CADPS2: variants seen among roughly 807,000 people sequenced by gnomAD.
CADPS2 encodes calcium-dependent secretion activator 2.
A neutral mutation model predicts 172.5 loss-of-function variants in CADPS2; 93 were observed. That is an observed-to-expected ratio of 0.54 (90% CI 0.46 to 0.64). CADPS2 has a LOEUF of 0.64. Among genes scored for constraint, CADPS2 ranks in the 30% least tolerant of loss-of-function variants. The pLI is 0.00. For synonymous variants in CADPS2, 546 were observed against 555.2 expected (o/e 0.98, Z 0.23); for missense variants, 1,420 against 1,565.9 (o/e 0.91, Z 1.57).
At chr7:122,337,673 A>C (rs1271499663) in intron 28 of CADPS2, among the ~76,000 whole-genome samples, 1 of 152,116 alleles carries the variant, frequency 6.6e-6, no homozygotes, top group Non-Finnish European at 1.5e-5. Flanking sequence ...ATAATAACTT[A>C]ACATTACAAT....
chr7:122,340,560 A>T (rs1563102083), intron 28 of CADPS2, among the ~76,000 whole-genome samples: 1 of 152,194 alleles, frequency 6.6e-6, no homozygotes, highest in Non-Finnish European at 1.5e-5. Context: ...ATTACTACAG[A>T]TGTCAGTTTT....
intron 1 of CADPS2, among the ~76,000 whole-genome samples, chr7:122,744,993 C>A (rs1041132014): frequency 1.3e-5 from 2 of 149,542 alleles, no homozygotes; most frequent in Non-Finnish European, 3.0e-5. Context: ...CTTTATTGAA[C>A]TATAACTGAC....
intron 1 of CADPS2, among the ~76,000 whole-genome samples, chr7:122,792,289 A>T (rs988136608): frequency 1.3e-5 from 2 of 152,164 alleles, no homozygotes; most frequent in Non-Finnish European, 1.5e-5. Flanking sequence ...GTGGGCTCTT[A>T]AGAGGTGATT....
chr7:122,656,218 C>T (rs2079765359), intron 3 of CADPS2, among the ~76,000 whole-genome samples: 1 of 152,060 alleles, frequency 6.6e-6, no homozygotes, highest in Admixed American at 6.6e-5. Flanking sequence ...TCAGTTACCC[C>T]ACAAAGTTCT....
intron 5 of CADPS2, among the ~76,000 whole-genome samples, chr7:122,619,547 A>G (rs2075344343): frequency 6.6e-6 from 1 of 152,110 alleles, no homozygotes; most frequent in Admixed American, 6.5e-5. Context: ...GAATCACTTG[A>G]ACCCAGGAAG....
At chr7:122,855,077 A>G (rs1207338207) in intron 1 of CADPS2, among the ~76,000 whole-genome samples, 1 of 152,238 alleles carries the variant, frequency 6.6e-6, no homozygotes, top group Non-Finnish European at 1.5e-5. Context: ...AGCTTTTTAA[A>G]GTGTGACTTT....
At chr7:122,416,270 AAATACAAATG>A in intron 17 of CADPS2, 106 bp from the exon 18 acceptor site, 1 of 533,366 alleles carries the variant, frequency 1.9e-6, no homozygotes, top group Non-Finnish European at 3.2e-6. Context: ...GAGAAATAAG[AAATACAAATG>A]AATACATTAT....
intron 2 of CADPS2, among the ~76,000 whole-genome samples, chr7:122,694,264 T>A (rs1036389050): frequency 1.3e-5 from 2 of 152,124 alleles, no homozygotes; most frequent in Non-Finnish European, 2.9e-5. Flanking sequence ...CTGCTTGGAA[T>A]GAGAACCAAG....
At chr7:122,689,805 G>A (rs1457414099) in intron 2 of CADPS2, among the ~76,000 whole-genome samples, 2 of 152,180 alleles carry the variant, frequency 1.3e-5, no homozygotes, top group Non-Finnish European at 2.9e-5. Context: ...ATCCCACAGT[G>A]ACTTTACCCC....
intron 7 of CADPS2, among the ~76,000 whole-genome samples, chr7:122,579,396 A>G (rs2068492459): frequency 6.7e-6 from 1 of 150,280 alleles, no homozygotes; most frequent in Non-Finnish European, 1.5e-5. Flanking sequence ...TTGTCTTTCT[A>G]GTATGAAGAG....
At chr7:122,695,276 A>T (rs1207985921) in intron 2 of CADPS2, among the ~76,000 whole-genome samples, 2 of 152,222 alleles carry the variant, frequency 1.3e-5, no homozygotes, top group Non-Finnish European at 2.9e-5. Flanking sequence ...AGGAGTGAAT[A>T]AAAAAGCAAG....
chr7:122,395,321 T>C (rs2044932412), intron 20 of CADPS2: 1 of 152,186 alleles, frequency 6.6e-6, no homozygotes, highest in African/African-American at 2.4e-5. Flanking sequence ...CTCTAATTGA[T>C]ATGGGTTAGT....
chr7:122,406,172 C>A (rs947835237), intron 20 of CADPS2, among the ~76,000 whole-genome samples: 1 of 152,104 alleles, frequency 6.6e-6, no homozygotes, highest in African/African-American at 2.4e-5. Context: ...ATTTCCCCCC[C>A]ACCAGTTTTA....
chr7:122,451,809 C>A (rs564169649), intron 14 of CADPS2, among the ~76,000 whole-genome samples: 20 of 152,068 alleles, frequency 1.3e-4, no homozygotes, highest in African/African-American at 4.8e-4. Flanking sequence ...AAGTGAAATC[C>A]CCTGAATGAA....
At chr7:122,548,918 T>A (rs983796635) in intron 8 of CADPS2, among the ~76,000 whole-genome samples, 1 of 152,258 alleles carries the variant, frequency 6.6e-6, no homozygotes, top group Non-Finnish European at 1.5e-5. Flanking sequence ...AACTACCATA[T>A]CTACATCCAT....
intron 2 of CADPS2, among the ~76,000 whole-genome samples, chr7:122,700,140 G>A (rs149928421): frequency 0.016 from 2,371 of 152,222 alleles, 54 homozygotes; most frequent in South Asian, 0.096. Flanking sequence ...CTTTCTTGGC[G>A]GTGAATCTCA....
intron 6 of CADPS2, among the ~76,000 whole-genome samples, chr7:122,582,484 A>G (rs1245533910): frequency 3.3e-5 from 5 of 152,072 alleles, no homozygotes; most frequent in African/African-American, 1.2e-4. Context: ...TAGGGAAGAA[A>G]ACAGCTTAAT....
chr7:122,870,311 A>G lies in CADPS2; in HGVS notation c.339+15688T>C, dbSNP rs181083746. Reference sequence around the variant, plus strand: ...ACTAAGAGTGCAGGGGTAGCTATACATATCAGGCAAAATAGACTTTAAATC... The same window carrying G: ...ACTAAGAGTGCAGGGGTAGCTATACGTATCAGGCAAAATAGACTTTAAATC... On this transcript the variant is annotated intron_variant, in intron 1 of 29. Coordinates refer to ENST00000449022, the MANE Select transcript of CADPS2 (RefSeq NM_017954.11). 5.3e-5 allele frequency among the ~76,000 whole-genome samples: 8 copies of G among 152,204 alleles called. No homozygotes were observed. In the East Asian group the frequency reaches 1.5e-3, roughly 29 times the overall value.
rs73717661 is a variant in CADPS2, at chr7:122,515,751, T to G, written c.1476-2436A>C. Among the ~76,000 whole-genome samples, 1,187 of 152,166 alleles carry G rather than the reference T, an allele frequency of 7.8e-3. 16 individuals carry two copies. Among genetic ancestry groups the G allele is most frequent in the African/African-American group, 0.028 (1,149 of 41,528 alleles). ...CTGCATAAAGAATAATAATCAGCATTGCACATGTATATATATGTAACTAAC... is the reference window on the plus strand; with the variant it reads ...CTGCATAAAGAATAATAATCAGCATGGCACATGTATATATATGTAACTAAC... On this transcript the variant is annotated intron_variant, in intron 8 of 29. Coordinates refer to ENST00000449022, the MANE Select transcript of CADPS2 (RefSeq NM_017954.11).
Sources: allele counts gnomAD v4.1 joint callset (sites outside exome capture counted in the v4.1 genomes callset), GRCh38; gene constraint gnomAD v4.1.1; transcripts MANE v1.5; gene names NCBI Gene and HGNC (gene_info 2026-07-23, HGNC 2026-07-21).